CAMK1D: variants seen among roughly 807,000 people sequenced by gnomAD.
The protein encoded by CAMK1D is calcium/calmodulin-dependent protein kinase type 1D.
A neutral mutation model predicts 47.7 loss-of-function variants in CAMK1D; 9 were observed. That is an observed-to-expected ratio of 0.19 (90% CI 0.11 to 0.33). The LOEUF is 0.33. Ranked by LOEUF, CAMK1D falls within the 10% of genes least tolerant of loss-of-function variation. The pLI is 1.00. For missense variants in CAMK1D, 291 were observed against 488.7 expected, an observed-to-expected ratio of 0.60 and a Z score of 3.81; for synonymous variants, 184 against 184.9, an observed-to-expected ratio of 0.99 and a Z score of 0.04.
intron 3 of CAMK1D, among the ~76,000 whole-genome samples, chr10:12,672,073 G>A (rs2132572853): frequency 6.6e-6 from 1 of 151,700 alleles, no homozygotes; most frequent in East Asian, 1.9e-4. Flanking sequence ...CCGCCACCAC[G>A]CCTGGCTAAT....
chr10:12,657,027 T>TGCAATTCCACTAATCAAA (rs1840137566), intron 2 of CAMK1D, among the ~76,000 whole-genome samples: 1 of 152,224 alleles, frequency 6.6e-6, no homozygotes, highest in Admixed American at 6.5e-5. Flanking sequence ...TGATTGCTTG[T>TGCAATTCCACTAATCAAA]GCAATTCCAC....
chr10:12,490,844 A>G (rs1834362052), intron 1 of CAMK1D, among the ~76,000 whole-genome samples: 3 of 152,206 alleles, frequency 2.0e-5, no homozygotes, highest in Admixed American at 6.5e-5. Context: ...TGCGCGTGAT[A>G]GATATCCTAA....
chr10:12,669,455 A>G (rs191924412), intron 3 of CAMK1D, among the ~76,000 whole-genome samples: 391 of 152,362 alleles, frequency 2.6e-3, no homozygotes, highest in Admixed American at 4.3e-3. Flanking sequence ...GTTTATTTAT[A>G]TAAAAAATTA....
intron 2 of CAMK1D, among the ~76,000 whole-genome samples, chr10:12,663,544 C>T (rs1475282716): frequency 1.3e-5 from 2 of 152,126 alleles, no homozygotes; most frequent in African/African-American, 2.4e-5. Flanking sequence ...AAGTGTGAGA[C>T]AGGCTGTCTG....
At chr10:12,701,261 ATTC>A (rs1287139786) in intron 3 of CAMK1D, among the ~76,000 whole-genome samples, 9 of 152,114 alleles carry the variant, frequency 5.9e-5, no homozygotes, top group Admixed American at 1.3e-4. Context: ...CTCATACATT[ATTC>A]TTTAGTGTCC....
chr10:12,708,725 T>C (rs939025742), intron 3 of CAMK1D, among the ~76,000 whole-genome samples: 1 of 152,234 alleles, frequency 6.6e-6, no homozygotes, highest in African/African-American at 2.4e-5. Flanking sequence ...TGTTTTCTTC[T>C]ATTCATTTTG....
chr10:12,496,925 T>A (rs1375698944), intron 1 of CAMK1D, among the ~76,000 whole-genome samples: 1 of 152,048 alleles, frequency 6.6e-6, no homozygotes, highest in East Asian at 1.9e-4. Context: ...GTGTGTGGTG[T>A]TTTCCTCCCT....
At chr10:12,565,833 C>T (rs569694473) in intron 2 of CAMK1D, among the ~76,000 whole-genome samples, 10 of 152,066 alleles carry the variant, frequency 6.6e-5, no homozygotes, top group East Asian at 1.9e-4. Flanking sequence ...TGATTTGACC[C>T]GTCTGCTGTC....
chr10:12,787,987 TA>T (rs1564562377), intron 5 of CAMK1D, among the ~76,000 whole-genome samples: 1 of 152,046 alleles, frequency 6.6e-6, no homozygotes, highest in Non-Finnish European at 1.5e-5. Flanking sequence ...AAAAAAAAAT[TA>T]TGTTTTGTTG....
At chr10:12,524,105 G>C (rs1835537671) in intron 1 of CAMK1D, among the ~76,000 whole-genome samples, 1 of 151,692 alleles carries the variant, frequency 6.6e-6, no homozygotes. Flanking sequence ...TGTTAGCCAG[G>C]ATGGTCTTGA....
chr10:12,500,363 G>C (rs1834664179), intron 1 of CAMK1D, among the ~76,000 whole-genome samples: 1 of 152,206 alleles, frequency 6.6e-6, no homozygotes, highest in Non-Finnish European at 1.5e-5. Context: ...TTGGGGACCT[G>C]TCCAGGGCTT....
At chr10:12,714,798 ACACACAC>A (rs1834062496) in intron 3 of CAMK1D, among the ~76,000 whole-genome samples, 1 of 150,316 alleles carries the variant, frequency 6.7e-6, no homozygotes, top group South Asian at 2.1e-4. Context: ...ACACACACAC[ACACACAC>A]AATGTCTGAT....
At chr10:12,368,213 A>AT (rs1480604335) in intron 1 of CAMK1D, among the ~76,000 whole-genome samples, 1 of 149,272 alleles carries the variant, frequency 6.7e-6, no homozygotes, top group Non-Finnish European at 1.5e-5. Flanking sequence ...AAAAAAAAAA[A>AT]ATAAAATAAA....
chr10:12,769,200 G>A (rs192434808), intron 4 of CAMK1D, among the ~76,000 whole-genome samples: 3 of 152,300 alleles, frequency 2.0e-5, no homozygotes, highest in Non-Finnish European at 4.4e-5. Flanking sequence ...CTTCATGAAG[G>A]GTGCAGTGCA....
rs2482073 is a variant in CAMK1D, at chr10:12,834,850, A to G, written c.*5963A>G. 0.3 allele frequency: 45,374 copies of G among 152,006 alleles called. 6,829 individuals carry two copies. Among genetic ancestry groups the G allele is most frequent in the South Asian group, 0.42 (2,033 of 4,816 alleles). The allele number at this position is 152,006 out of a possible 1,614,324, so 9.4% of individuals were successfully genotyped here. A position where few individuals can be genotyped will look rare whatever the true frequency, so the allele number is the denominator to read the frequency against. ...GGCTCTCCTGGAAGCCCTGCACTTC[A>G]GGGCACAGGGGCCCTGGGACGTGGT... On this transcript the variant is annotated 3_prime_UTR_variant, in exon 11 of 11. Transcript: ENST00000619168.
At chr10:12,528,195 T>C (rs1835688057) in intron 1 of CAMK1D, among the ~76,000 whole-genome samples, 1 of 152,236 alleles carries the variant, frequency 6.6e-6, no homozygotes, top group African/African-American at 2.4e-5. Flanking sequence ...AGGAATGATC[T>C]AGGCTGTATG....
chr10:12,740,733 A>C (rs572935457), intron 3 of CAMK1D, among the ~76,000 whole-genome samples: 1 of 152,246 alleles, frequency 6.6e-6, no homozygotes, highest in Non-Finnish European at 1.5e-5. Flanking sequence ...TTTGGGAGGC[A>C]GTGCCTCTTT....
intron 3 of CAMK1D, among the ~76,000 whole-genome samples, chr10:12,743,355 A>AAAAAAAAAAAAGAAAAG (rs1461631779): frequency 8.5e-5 from 10 of 118,152 alleles, no homozygotes; most frequent in African/African-American, 2.8e-4. Flanking sequence ...TCAAAAAAAA[A>AAAAAAAAAAAAGAAAAG]AAAAGAAAAA....
chr10:12,701,401 G>A (rs780446262), intron 3 of CAMK1D, among the ~76,000 whole-genome samples: 17 of 152,184 alleles, frequency 1.1e-4, no homozygotes, highest in Non-Finnish European at 1.8e-4. Flanking sequence ...AATTAATTAC[G>A]GTTACTTGTC....
Sources: gnomAD v4.1 joint callset for allele counts (sites outside exome capture counted in the v4.1 genomes callset) on GRCh38, gnomAD v4.1.1 for gene constraint, MANE v1.5 for transcripts, NCBI Gene and HGNC (gene_info 2026-07-23, HGNC 2026-07-21) for gene names.